Variants in WDR72 observed in about 807,000 individuals in gnomAD.
WDR72 encodes WD repeat domain 72, also known as WD repeat-containing protein 72.
WDR72 carries 120 observed loss-of-function variants against 124.2 expected under a neutral mutation model. That is an observed-to-expected ratio of 0.97 (90% CI 0.83 to 1.12). The LOEUF (loss-of-function observed/expected upper bound fraction) is 1.12, where lower values mean the gene tolerates loss of function less well. Among genes scored for constraint, WDR72 ranks in the 50% most tolerant of loss-of-function variants. WDR72 has a pLI of 0.00. For synonymous variants in WDR72, 452 were observed against 441.7 expected (o/e 1.02, Z -0.29); for missense variants, 1,387 against 1,278.8 (o/e 1.08, Z -1.29).
chr15:53,658,386 G>C (rs1015159011), intron 14 of WDR72, among the ~76,000 whole-genome samples: 1 of 152,156 alleles, frequency 6.6e-6, no homozygotes, highest in Non-Finnish European at 1.5e-5. Context: ...ATTACAGCCA[G>C]TCAGGTATCA....
chr15:53,755,989 G>C (rs1197334072), intron 1 of WDR72, among the ~76,000 whole-genome samples: 1 of 152,184 alleles, frequency 6.6e-6, no homozygotes, highest in Non-Finnish European at 1.5e-5. Flanking sequence ...AAAGAAAGTA[G>C]GAGTACTGAT....
At chr15:53,669,341 A>ACCATAC (rs2015910151) in intron 13 of WDR72, among the ~76,000 whole-genome samples, 1 of 151,984 alleles carries the variant, frequency 6.6e-6, no homozygotes, top group African/African-American at 2.4e-5. Flanking sequence ...AGTACATATA[A>ACCATAC]CCATACCCTC....
At chr15:53,691,170 C>T (rs2016826893) in intron 13 of WDR72, among the ~76,000 whole-genome samples, 1 of 152,138 alleles carries the variant, frequency 6.6e-6, no homozygotes, top group Non-Finnish European at 1.5e-5. Flanking sequence ...CCATCTCGGC[C>T]TCCAGAATAG....
At chr15:53,732,858 G>T in intron 2 of WDR72, 139 bp downstream of exon 2, 1 of 1,017,072 alleles carries the variant, frequency 9.8e-7, no homozygotes, top group Non-Finnish European at 1.5e-6. Context: ...TCAAAATTCA[G>T]AAGTAAAATC....
intron 16 of WDR72, among the ~76,000 whole-genome samples, chr15:53,610,869 C>G (rs1430521976): frequency 6.6e-6 from 1 of 152,058 alleles, no homozygotes; most frequent in Non-Finnish European, 1.5e-5. Context: ...CTCCCTCTCC[C>G]ACTTTGTGGA....
chr15:53,706,307 C>T (rs1291469044), intron 9 of WDR72, among the ~76,000 whole-genome samples: 1 of 143,338 alleles, frequency 7.0e-6, no homozygotes, highest in African/African-American at 2.7e-5. Flanking sequence ...AAGTATCTAA[C>T]ATTTACTGAC....
At chr15:53,587,870 G>A (rs1342376167) in intron 18 of WDR72, among the ~76,000 whole-genome samples, 1 of 152,042 alleles carries the variant, frequency 6.6e-6, no homozygotes, top group East Asian at 1.9e-4. Context: ...GCAGGTAAAA[G>A]AAAGAACTAA....
chr15:53,635,782 T>C (rs774701390), intron 14 of WDR72, among the ~76,000 whole-genome samples: 5 of 152,042 alleles, frequency 3.3e-5, no homozygotes, highest in Non-Finnish European at 5.9e-5. Context: ...ACCCCAAACC[T>C]TAGCATCATG....
At chr15:53,738,146 G>A (rs1474350131) in intron 1 of WDR72, among the ~76,000 whole-genome samples, 1 of 151,970 alleles carries the variant, frequency 6.6e-6, no homozygotes, top group Non-Finnish European at 1.5e-5. Flanking sequence ...GTATGAAAAC[G>A]TTGTATAATA....
chr15:53,715,092 A>G (rs2017665835), intron 5 of WDR72, 101 bp downstream of exon 5: 1 of 1,306,446 alleles, frequency 7.7e-7, no homozygotes, highest in Admixed American at 1.9e-5. Context: ...AGCATAAAGA[A>G]GCATTCTTTC....
At chr15:53,667,930 C>T (rs1038052807) in intron 13 of WDR72, among the ~76,000 whole-genome samples, 2 of 152,062 alleles carry the variant, frequency 1.3e-5, no homozygotes, top group Non-Finnish European at 2.9e-5. Context: ...TAGTTGTAAT[C>T]CATTTTCATT....
intron 9 of WDR72, among the ~76,000 whole-genome samples, chr15:53,710,495 A>G (rs2017502217): frequency 6.6e-6 from 1 of 152,194 alleles, no homozygotes; most frequent in Admixed American, 6.5e-5. Context: ...AATTATTTGA[A>G]AATTTTCCAA....
At chr15:53,553,370 C>T (rs962123165) in intron 18 of WDR72, among the ~76,000 whole-genome samples, 1 of 152,158 alleles carries the variant, frequency 6.6e-6, no homozygotes, top group African/African-American at 2.4e-5. Flanking sequence ...TAATGAGCTG[C>T]CTCAACCCAG....
At chr15:53,755,253 A>G (rs1017387972) in intron 1 of WDR72, among the ~76,000 whole-genome samples, 26 of 152,246 alleles carry the variant, frequency 1.7e-4, no homozygotes, top group Admixed American at 2.0e-4. Context: ...GCATATAAAG[A>G]AGATACTTTA....
At chr15:53,723,604 T>C (rs1293100379) in intron 2 of WDR72, among the ~76,000 whole-genome samples, 5 of 152,162 alleles carry the variant, frequency 3.3e-5, no homozygotes, top group Admixed American at 2.6e-4. Flanking sequence ...TCCCTCATTA[T>C]CCATGGGGGA....
At position 53,722,883 on chromosome 15, in the gene WDR72, C is replaced by T. The variant is rs267604258; in HGVS notation, c.179G>A (p.Gly60Asp). The T allele has an allele frequency of 6.2e-7, 1 of 1,614,078 alleles. No individual in the cohort carries two copies. The highest frequency in any genetic ancestry group is 1.1e-5 in the South Asian group (1 of 91,082). ...CAAACATGTTACCGAAGCTGAATGACCAAATAGGAGTTCTTTCGCTGAAAT... is the reference window on the plus strand; with the variant it reads ...CAAACATGTTACCGAAGCTGAATGATCAAATAGGAGTTCTTTCGCTGAAAT... ...LKISAKELLFGHSASVTCLAR... is the reference protein window; with the variant it reads ...LKISAKELLFDHSASVTCLAR... The change falls in exon 3 of 20, where the codon GGT becomes GAT. Residue 60 changes from glycine to aspartate, a missense_variant. Physicochemically the swap from Gly to Asp is moderately conservative, Grantham distance 94. Coordinates refer to ENST00000360509, the MANE Select transcript of WDR72 (RefSeq NM_182758.4).
chr15:53,585,383 C>T (rs1046837950), intron 18 of WDR72, among the ~76,000 whole-genome samples: 3 of 152,012 alleles, frequency 2.0e-5, no homozygotes, highest in South Asian at 4.2e-4. Flanking sequence ...TGGAGGAAAC[C>T]GCCCCTGTGA....
chr15:53,634,037 G>T (rs959296384), intron 14 of WDR72, among the ~76,000 whole-genome samples: 3 of 152,086 alleles, frequency 2.0e-5, no homozygotes, highest in Non-Finnish European at 4.4e-5. Flanking sequence ...ATTTAATTTA[G>T]AAATCAGTAA....
Position 53,563,102 on chromosome 15 carries a change from C to G in WDR72, c.3148+33977G>C, listed in dbSNP as rs931067631. Among the ~76,000 whole-genome samples, 8 of 151,726 alleles carry G rather than the reference C, an allele frequency of 5.3e-5. No individual in the cohort carries two copies. The South Asian group carries it at 1.7e-3, about 31-fold the overall frequency. On this transcript the variant is annotated intron_variant, in intron 18 of 19. Coordinates refer to ENST00000360509, the MANE Select transcript of WDR72 (RefSeq NM_182758.4). Reference sequence around the variant, plus strand: ...ATATACACTTGGTTTTTCTTCATCACTTTCGGAAAGAAATTTTCCACGTAA... The same window carrying G: ...ATATACACTTGGTTTTTCTTCATCAGTTTCGGAAAGAAATTTTCCACGTAA...
Sources: allele counts gnomAD v4.1 joint callset (sites outside exome capture counted in the v4.1 genomes callset), GRCh38; gene constraint gnomAD v4.1.1; transcripts MANE v1.5; gene names NCBI Gene and HGNC (gene_info 2026-07-23, HGNC 2026-07-21).